STRBP: variants seen among roughly 807,000 people sequenced by gnomAD.
STRBP encodes the protein spermatid perinuclear RNA-binding protein.
STRBP carries 13 observed loss-of-function variants against 80.1 expected under a neutral mutation model. The observed-to-expected ratio is 0.16, with a 90% CI of 0.11 to 0.26. STRBP has a LOEUF of 0.26. Among genes scored for constraint, STRBP ranks in the 10% least tolerant of loss-of-function variants. The pLI is 1.00. For missense variants in STRBP, 485 were observed against 815.2 expected (o/e 0.59, Z 4.93); for synonymous variants, 284 against 291.2 (o/e 0.98, Z 0.25).
intron 3 of STRBP, among the ~76,000 whole-genome samples, chr9:123,180,630 T>C (rs1445079816): frequency 6.6e-6 from 1 of 152,136 alleles, no homozygotes; most frequent in Non-Finnish European, 1.5e-5. Context: ...AAATGAAATA[T>C]CAGATCAGTG....
intron 5 of STRBP, among the ~76,000 whole-genome samples, chr9:123,170,742 C>T (rs1008261358): frequency 4.6e-5 from 7 of 152,064 alleles, no homozygotes; most frequent in Non-Finnish European, 8.8e-5. Context: ...AGGGGCCTCC[C>T]ACAAAATAAT....
chr9:123,178,100 C>T (rs2038299393), intron 4 of STRBP, among the ~76,000 whole-genome samples: 1 of 152,158 alleles, frequency 6.6e-6, no homozygotes, highest in South Asian at 2.1e-4. Context: ...AACTGACACA[C>T]TGATTATCTT....
Position 123,217,418 on chromosome 9 carries a change from AAAAG to A in STRBP, c.-165+19408_-165+19411del, listed in dbSNP as rs2039933064. Among the ~76,000 whole-genome samples, 3 of 152,360 alleles carry A rather than the reference AAAAG, an allele frequency of 2.0e-5. No homozygotes were observed. In the South Asian group the frequency reaches 6.2e-4, roughly 32 times the overall value. ...TTTATAAGAAACACAAAGAATGTGA[AAAAG>A]AAATGGGAAAAATAATGAGACAGTA... On this transcript the variant is annotated intron_variant, in intron 2 of 18. Transcript: ENST00000348403.
chr9:123,121,732 GA>G lies in STRBP; in HGVS notation c.*3864del, dbSNP rs1326623681. 7 of 151,312 alleles carry G rather than the reference GA, an allele frequency of 4.6e-5. No individual in the cohort carries two copies. Among genetic ancestry groups the G allele is most frequent in the Admixed American group, 2.0e-4 (3 of 15,160 alleles). 9.4% of individuals were successfully genotyped at this position (151,312 alleles called of 1,614,324 possible). On this transcript the variant is annotated 3_prime_UTR_variant, in exon 19 of 19. Coordinates refer to ENST00000348403, the MANE Select transcript of STRBP (RefSeq NM_018387.5). ...TTCTCGGAGAAGTTTTTCTCCTTGA[GA>G]AATTGGCACTTTGATCCTCAGCTTG...
At chr9:123,239,090 C>G (rs931629080) in intron 1 of STRBP, among the ~76,000 whole-genome samples, 30 of 152,226 alleles carry the variant, frequency 2.0e-4, no homozygotes, top group African/African-American at 7.2e-4. Context: ...ATATGGAATG[C>G]CTAGGCTGGG....
At chr9:123,130,402 A>G (rs747884767) in intron 17 of STRBP, among the ~76,000 whole-genome samples, 5 of 152,110 alleles carry the variant, frequency 3.3e-5, no homozygotes, top group Admixed American at 6.5e-5. Flanking sequence ...GGTCAATGCA[A>G]TGACACAAGA....
chr9:123,131,315 A>T (rs1228824739), intron 17 of STRBP, among the ~76,000 whole-genome samples: 1 of 152,208 alleles, frequency 6.6e-6, no homozygotes, highest in Non-Finnish European at 1.5e-5. Context: ...GGGTTCTAAG[A>T]CCAAAATCCA....
Position 123,184,114 on chromosome 9 carries a change from A to C in STRBP, c.3+18T>G, listed in dbSNP as rs781051088. 6 of 1,605,180 alleles carry C rather than the reference A, an allele frequency of 3.7e-6. No individual in the cohort carries two copies. The highest frequency in any genetic ancestry group is 5.1e-6 in the Non-Finnish European group (6 of 1,174,894). On this transcript the variant is annotated intron_variant, in intron 3 of 18. Transcript: ENST00000348403. ...AGTCTTTTGTAACTAAATTATGAAA[A>C]TATCCACAATAACCTACCATGGTTT...
intron 3 of STRBP, among the ~76,000 whole-genome samples, chr9:123,180,437 A>T (rs939496199): frequency 6.6e-6 from 1 of 152,200 alleles, no homozygotes; most frequent in African/African-American, 2.4e-5. Context: ...CCAAATGCAG[A>T]GTGGGAAAAA....
chr9:123,132,639 T>C (rs564662547), intron 17 of STRBP, among the ~76,000 whole-genome samples: 1 of 152,326 alleles, frequency 6.6e-6, no homozygotes, highest in African/African-American at 2.4e-5. Flanking sequence ...ATCTGTCATC[T>C]CCCTCCAGGT....
intron 2 of STRBP, among the ~76,000 whole-genome samples, chr9:123,207,316 T>C (rs1273318527): frequency 6.6e-6 from 1 of 152,142 alleles, no homozygotes; most frequent in Non-Finnish European, 1.5e-5. Flanking sequence ...AATAAAGATA[T>C]ACACTGCACA....
intron 2 of STRBP, among the ~76,000 whole-genome samples, chr9:123,190,277 C>T (rs554095926): frequency 6.9e-6 from 1 of 145,552 alleles, no homozygotes; most frequent in South Asian, 2.1e-4. Flanking sequence ...GAGACTCCAT[C>T]TCAGAAAGAA....
At chr9:123,257,864 C>T (rs2041069231) in intron 1 of STRBP, among the ~76,000 whole-genome samples, 2 of 151,372 alleles carry the variant, frequency 1.3e-5, no homozygotes, top group Admixed American at 1.3e-4. Context: ...ACAAAAGATA[C>T]ATATTTATGC....
intron 1 of STRBP, among the ~76,000 whole-genome samples, chr9:123,258,488 A>T (rs1265564882): frequency 6.6e-6 from 1 of 152,184 alleles, no homozygotes; most frequent in Non-Finnish European, 1.5e-5. Context: ...CCTGAGACAG[A>T]AATATGCCTG....
intron 5 of STRBP, among the ~76,000 whole-genome samples, chr9:123,171,279 C>T (rs1026893846): frequency 2.6e-5 from 4 of 152,124 alleles, no homozygotes; most frequent in African/African-American, 7.2e-5. Flanking sequence ...CCTCCTCCTC[C>T]TTTGCTCAAA....
chr9:123,202,476 T>C (rs1228993946), intron 2 of STRBP, among the ~76,000 whole-genome samples: 1 of 152,208 alleles, frequency 6.6e-6, no homozygotes, highest in African/African-American at 2.4e-5. Context: ...CTTAGTTTTG[T>C]GGGATAAAAA....
chr9:123,216,157 C>T (rs190636196), intron 2 of STRBP, among the ~76,000 whole-genome samples: 19 of 152,254 alleles, frequency 1.2e-4, no homozygotes, highest in Admixed American at 7.8e-4. Flanking sequence ...TGACCTGTAC[C>T]GCTACCCCCT....
At chr9:123,114,786 C>G (rs1003827381) in intron 3 of STRBP, 1 of 226,862 alleles carries the variant, frequency 4.4e-6, no homozygotes, top group African/African-American at 2.3e-5. Flanking sequence ...GAGAAGTACT[C>G]CAGCAGGTCC....
At chr9:123,201,804 T>C (rs926649102) in intron 2 of STRBP, among the ~76,000 whole-genome samples, 2 of 152,240 alleles carry the variant, frequency 1.3e-5, no homozygotes, top group Non-Finnish European at 2.9e-5. Flanking sequence ...CTCAGTTGAC[T>C]TTTAGTCTCA....
Sources: allele counts gnomAD v4.1 joint callset (sites outside exome capture counted in the v4.1 genomes callset), GRCh38; gene constraint gnomAD v4.1.1; transcripts MANE v1.5; gene names NCBI Gene and HGNC (gene_info 2026-07-23, HGNC 2026-07-21).